FNIP1: variants seen among roughly 807,000 people sequenced by gnomAD.
FNIP1 encodes the protein folliculin interacting protein 1, also known as folliculin-interacting protein 1.
Under a neutral mutation model 124.5 loss-of-function variants are expected in FNIP1, and 40 were observed. That is an observed-to-expected ratio of 0.32 (90% confidence interval 0.25 to 0.42). FNIP1 has a LOEUF of 0.42. FNIP1 is among the 10% of genes least tolerant of loss of function. FNIP1 has a pLI of 1.00. For missense variants in FNIP1, 1,176 were observed against 1,403.7 expected, an observed-to-expected ratio of 0.84 and a Z score of 2.59; for synonymous variants, 472 against 470.6, an observed-to-expected ratio of 1.00 and a Z score of -0.04.
intron 1 of FNIP1, among the ~76,000 whole-genome samples, chr5:131,781,294 A>G (rs1771988729): frequency 1.3e-5 from 2 of 152,250 alleles, no homozygotes; most frequent in South Asian, 2.1e-4. Flanking sequence ...CAGAAGATCT[A>G]GCGAAGATAA....
chr5:131,755,761 C>A (rs1367650279), intron 1 of FNIP1, among the ~76,000 whole-genome samples: 1 of 152,030 alleles, frequency 6.6e-6, no homozygotes, highest in African/African-American at 2.4e-5. Context: ...GTAATCCCAG[C>A]ACTTTGGGAG....
chr5:131,672,230 C>T lies in FNIP1; in HGVS notation c.2214G>A (p.Val738=), dbSNP rs746775773. The T allele has an allele frequency of 1.2e-6, 2 of 1,614,190 alleles. No individual in the cohort carries two copies. Among genetic ancestry groups the T allele is most frequent in the Non-Finnish European group, 1.7e-6 (2 of 1,180,038 alleles). Residue 738 remains valine, a synonymous_variant, in exon 14 of 18, where the codon GTG becomes GTA. Coordinates refer to ENST00000510461, the MANE Select transcript of FNIP1 (RefSeq NM_133372.3). ...VVEKKPPDKI[V]PASFSCEAAQ... is the part of the protein sequence containing the mutation. Reference sequence around the variant, plus strand: ...CAGCCTCACAAGAAAATGAAGCAGGCACAATCTTATCTGGAGGTTTTTTTT... The same window carrying T: ...CAGCCTCACAAGAAAATGAAGCAGGTACAATCTTATCTGGAGGTTTTTTTT...
intron 11 of FNIP1, among the ~76,000 whole-genome samples, chr5:131,688,505 A>G (rs1299713699): frequency 6.6e-6 from 1 of 151,840 alleles, no homozygotes; most frequent in Non-Finnish European, 1.5e-5. Flanking sequence ...CAAAGAAAGC[A>G]TCAGAATCAA....
At chr5:131,762,010 G>C (rs550209537) in intron 1 of FNIP1, among the ~76,000 whole-genome samples, 3 of 152,106 alleles carry the variant, frequency 2.0e-5, no homozygotes, top group African/African-American at 7.2e-5. Flanking sequence ...TTTGAGAAAG[G>C]ACAGTCTCTT....
intron 1 of FNIP1, among the ~76,000 whole-genome samples, chr5:131,766,061 G>C (rs1173320543): frequency 2.0e-5 from 3 of 151,424 alleles, no homozygotes; most frequent in African/African-American, 7.3e-5. Context: ...TTCTAAGTCT[G>C]CAGATTAATA....
chr5:131,738,334 C>T (rs1385319162), intron 2 of FNIP1, among the ~76,000 whole-genome samples: 3 of 152,146 alleles, frequency 2.0e-5, no homozygotes, highest in Non-Finnish European at 4.4e-5. Flanking sequence ...TTTATATTAA[C>T]ACTTGGCATT....
intron 13 of FNIP1, among the ~76,000 whole-genome samples, chr5:131,673,211 C>T (rs979230701): frequency 8.6e-5 from 13 of 151,528 alleles, no homozygotes; most frequent in African/African-American, 3.2e-4. Flanking sequence ...CCATGCCTGG[C>T]TAATTTTTTG....
chr5:131,670,220 T>C (rs1767711295), intron 15 of FNIP1, among the ~76,000 whole-genome samples: 1 of 152,250 alleles, frequency 6.6e-6, no homozygotes, highest in African/African-American at 2.4e-5. Flanking sequence ...ACCTAGTTGA[T>C]GGACATCCAT....
intron 1 of FNIP1, chr5:131,795,650 T>C (rs1431790141): frequency 1.3e-5 from 2 of 152,198 alleles, no homozygotes; most frequent in African/African-American, 4.8e-5. Context: ...GACAGATACG[T>C]AGAAAAACCT....
In FNIP1 at chr5:131,672,003, A is replaced by G; in HGVS notation, c.2441T>C (p.Val814Ala). 1 of 1,614,144 alleles carries G rather than the reference A, an allele frequency of 6.2e-7. No individual in the cohort carries two copies. The highest frequency in any genetic ancestry group is 8.5e-7 in the Non-Finnish European group (1 of 1,180,016). ...QSGESDTQNM[V>A]SEEPCELPCW... ...GGGAAGTTCACAGGGCTCTTCAGAA[A>G]CCATGTTCTGTGTATCAGACTCTCC... is the stretch of plus-strand genomic sequence containing the variant. Residue 814 changes from valine (V) to alanine (A), a missense_variant, in exon 14 of 18, where the codon GTT (valine) becomes GCT (alanine). By Grantham distance (64) the Val-to-Ala change is moderately conservative (BLOSUM62 0). This residue lies in a region of FNIP1 where 1,109 missense variants were observed against 1,288.5 expected (regional missense o/e 0.86). Coordinates refer to ENST00000510461, the MANE Select transcript of FNIP1 (RefSeq NM_133372.3).
At chr5:131,768,089 A>G (rs1173276949) in intron 1 of FNIP1, among the ~76,000 whole-genome samples, 1 of 152,206 alleles carries the variant, frequency 6.6e-6, no homozygotes, top group Non-Finnish European at 1.5e-5. Context: ...AAAAAATACC[A>G]TAACAAAAAT....
intron 1 of FNIP1, among the ~76,000 whole-genome samples, chr5:131,790,791 T>C (rs1580843648): frequency 6.6e-6 from 1 of 152,014 alleles, no homozygotes. Flanking sequence ...GCCCAGATGA[T>C]CACTACAAAA....
intron 15 of FNIP1, among the ~76,000 whole-genome samples, chr5:131,663,102 C>G (rs1767492540): frequency 1.3e-5 from 2 of 152,052 alleles, no homozygotes. Flanking sequence ...CTCCTACATC[C>G]CTGTTTAAGT....
chr5:131,725,650 A>G (rs527688111), intron 3 of FNIP1, among the ~76,000 whole-genome samples: 1 of 152,300 alleles, frequency 6.6e-6, no homozygotes, highest in East Asian at 1.9e-4. Context: ...AAACAGCAAC[A>G]ATTTGACTTC....
At chr5:131,701,042 G>C (rs1403633309) in intron 10 of FNIP1, among the ~76,000 whole-genome samples, 1 of 152,194 alleles carries the variant, frequency 6.6e-6, no homozygotes, top group Non-Finnish European at 1.5e-5. Context: ...GGCCTGTCAG[G>C]AATTGGGTCG....
intron 11 of FNIP1, among the ~76,000 whole-genome samples, chr5:131,688,268 C>A (rs1768350373): frequency 6.7e-6 from 1 of 148,390 alleles, no homozygotes; most frequent in African/African-American, 2.5e-5. Context: ...TGGGGAAAAC[C>A]AAAGAAAGAG....
At position 131,660,670 on chromosome 5, in the gene FNIP1, G is replaced by A. The variant is rs573018841; in HGVS notation, c.3109-8671C>T. On this transcript the variant is annotated intron_variant, in intron 15 of 17. Coordinates refer to ENST00000510461, the MANE Select transcript of FNIP1 (RefSeq NM_133372.3). The stretch of plus-strand genomic sequence containing the variant: ...TCCCATGTGGGGTGGCTGGCCTTGT[G>A]TCTATTGAACTTTTTCTCTACTACA... Among the ~76,000 whole-genome samples, 30 of 152,324 alleles carry A rather than the reference G, an allele frequency of 2.0e-4. No homozygotes were observed. In the South Asian group the frequency reaches 6.2e-3, roughly 32 times the overall value.
chr5:131,698,717 A>C (rs1768788843), intron 11 of FNIP1, among the ~76,000 whole-genome samples, 200 bp downstream of exon 11: 1 of 152,180 alleles, frequency 6.6e-6, no homozygotes, highest in Admixed American at 6.5e-5. Flanking sequence ...TGAAAAACAT[A>C]CCACTGATGG....
intron 15 of FNIP1, among the ~76,000 whole-genome samples, chr5:131,664,633 T>G (rs1282790831): frequency 9.6e-5 from 1 of 10,416 alleles, no homozygotes; most frequent in African/African-American, 3.4e-4. Flanking sequence ...AGACCCTGTC[T>G]CAAAAAAAAA....
Sources: allele counts gnomAD v4.1 joint callset (sites outside exome capture counted in the v4.1 genomes callset), GRCh38; gene constraint gnomAD v4.1.1; regional missense constraint gnomAD v4.1.1; transcripts MANE v1.5; gene names NCBI Gene and HGNC (gene_info 2026-07-23, HGNC 2026-07-21).